The following CEP112 variants were observed in gnomAD, a reference collection of about 807,000 sequenced individuals.
CEP112 encodes the protein centrosomal protein 112.
CEP112 carries 127 observed loss-of-function variants against 153.0 expected under a neutral mutation model. The ratio of observed to expected loss-of-function variants is 0.83; its 90% CI spans 0.72 to 0.96. CEP112 has a LOEUF of 0.96. CEP112 is among the 40% of genes least tolerant of loss of function. The pLI, the probability that CEP112 is intolerant of heterozygous loss-of-function variation, is 0.00. For missense variants in CEP112, 1,089 were observed against 1,101.2 expected, an observed-to-expected ratio of 0.99 and a Z score of 0.16; for synonymous variants, 358 against 374.4, an observed-to-expected ratio of 0.96 and a Z score of 0.51.
At chr17:65,674,821 T>C (rs1221355462) in intron 24 of CEP112, among the ~76,000 whole-genome samples, 1 of 152,236 alleles carries the variant, frequency 6.6e-6, no homozygotes, top group East Asian at 1.9e-4. Context: ...CAATCAAAAA[T>C]AGGCAGACTC....
At chr17:65,961,009 TA>T (rs34186038) in intron 18 of CEP112, among the ~76,000 whole-genome samples, 71 of 146,434 alleles carry the variant, frequency 4.8e-4, no homozygotes, top group African/African-American at 9.1e-4. Flanking sequence ...CTTTAAAAAC[TA>T]AAAAAAAAAA....
intron 21 of CEP112, among the ~76,000 whole-genome samples, chr17:65,807,781 G>C (rs1218039422): frequency 6.6e-6 from 1 of 152,250 alleles, no homozygotes; most frequent in Non-Finnish European, 1.5e-5. Context: ...AGGATGTATG[G>C]AAATGCCTGA....
intron 4 of CEP112, among the ~76,000 whole-genome samples, chr17:66,158,378 C>T (rs532601312): frequency 3.9e-5 from 6 of 152,102 alleles, no homozygotes; most frequent in South Asian, 2.1e-4. Flanking sequence ...TTTGGGAGGC[C>T]GAGGGAGGCG....
At chr17:66,168,504 T>C (rs1260253290) in intron 4 of CEP112, among the ~76,000 whole-genome samples, 1 of 151,480 alleles carries the variant, frequency 6.6e-6, no homozygotes, top group East Asian at 1.9e-4. Flanking sequence ...TATATATATG[T>C]ATATATGTGT....
intron 4 of CEP112, among the ~76,000 whole-genome samples, chr17:66,144,496 C>T (rs2070838953): frequency 6.6e-6 from 1 of 152,104 alleles, no homozygotes. Flanking sequence ...AGTTCAGGAC[C>T]AGCCTGGCCA....
At chr17:65,742,970 A>G in intron 23 of CEP112, 98 bp downstream of exon 23, 2 of 924,770 alleles carry the variant, frequency 2.2e-6, no homozygotes, top group Non-Finnish European at 3.2e-6. Flanking sequence ...TGAACAAGCC[A>G]GATACCCGCA....
chr17:65,797,057 A>AAACAACAAC (rs112453406), intron 21 of CEP112: 13,303 of 149,614 alleles, frequency 0.089, 1,096 homozygotes, highest in East Asian at 0.47. Context: ...TCTGTCTCAA[A>AAACAACAAC]AACAACAACA....
chr17:65,971,118 C>T (rs12601064), intron 17 of CEP112, among the ~76,000 whole-genome samples: 62,983 of 152,014 alleles, frequency 0.41, 14,441 homozygotes, highest in East Asian at 0.87. Flanking sequence ...ATGTTCCTTG[C>T]GTGTATGAGA....
intron 22 of CEP112, among the ~76,000 whole-genome samples, chr17:65,743,605 A>C (rs543784736): frequency 1.3e-5 from 2 of 152,332 alleles, no homozygotes; most frequent in East Asian, 3.9e-4. Context: ...GTAATAACCA[A>C]AGAAAATAAT....
intron 21 of CEP112, among the ~76,000 whole-genome samples, chr17:65,803,068 G>C (rs1395661611): frequency 3.9e-5 from 6 of 152,250 alleles, no homozygotes; most frequent in Admixed American, 3.3e-4. Flanking sequence ...GAGCTAACAT[G>C]TGAGATATCC....
chr17:65,801,743 C>A (rs1288383557), intron 21 of CEP112, among the ~76,000 whole-genome samples: 1 of 152,068 alleles, frequency 6.6e-6, no homozygotes, highest in Admixed American at 6.6e-5. Flanking sequence ...AGCTGTTAAT[C>A]TTTATTTCTT....
intron 1 of CEP112, among the ~76,000 whole-genome samples, chr17:66,189,798 A>G (rs1418834126): frequency 6.6e-6 from 1 of 152,166 alleles, no homozygotes; most frequent in African/African-American, 2.4e-5. Context: ...CGGGAGGCCA[A>G]GGTGAGTGGA....
chr17:66,008,876 T>TAC (rs1473187810), intron 16 of CEP112, among the ~76,000 whole-genome samples: 3 of 152,016 alleles, frequency 2.0e-5, no homozygotes, highest in East Asian at 3.9e-4. Flanking sequence ...TATATATACA[T>TAC]ACCACAGTTT....
chr17:65,913,279 G>A (rs2060353267), intron 19 of CEP112, among the ~76,000 whole-genome samples: 1 of 152,132 alleles, frequency 6.6e-6, no homozygotes, highest in Non-Finnish European at 1.5e-5. Context: ...AAAGATGTTG[G>A]AATCTTTCTT....
At chr17:65,688,318 T>C (rs1381874868) in intron 24 of CEP112, 1 of 152,250 alleles carries the variant, frequency 6.6e-6, no homozygotes, top group East Asian at 1.9e-4. Flanking sequence ...AACACTCCAT[T>C]TCCCCTCCTT....
chr17:65,931,084 C>G (rs189848869), intron 18 of CEP112, among the ~76,000 whole-genome samples: 1 of 152,170 alleles, frequency 6.6e-6, no homozygotes, highest in African/African-American at 2.4e-5. Flanking sequence ...AATAAAAGAA[C>G]TATGGCAAGT....
intron 17 of CEP112, among the ~76,000 whole-genome samples, chr17:66,004,483 C>T (rs2052331): frequency 0.41 from 62,477 of 151,656 alleles, 14,317 homozygotes; most frequent in East Asian, 0.87. Context: ...AGAGTGAGAC[C>T]CCATCTCAAA....
At chr17:65,920,362 A>AATATATATATATATAT (rs55934550) in intron 19 of CEP112, among the ~76,000 whole-genome samples, 182 of 42,684 alleles carry the variant, frequency 4.3e-3, no homozygotes, top group East Asian at 6.0e-3. Context: ...AAACAAACAA[A>AATATATATATATATAT]ATATATATAT....
chr17:65,920,647 A>G (rs2060692033), intron 19 of CEP112, among the ~76,000 whole-genome samples: 1 of 151,606 alleles, frequency 6.6e-6, no homozygotes, highest in Non-Finnish European at 1.5e-5. Context: ...CCTCTGACAT[A>G]GTTCCAGACC....
Sources: gnomAD v4.1 joint callset for allele counts (sites outside exome capture counted in the v4.1 genomes callset) on GRCh38, gnomAD v4.1.1 for gene constraint, MANE v1.5 for transcripts, NCBI Gene and HGNC (gene_info 2026-07-23, HGNC 2026-07-21) for gene names.